The following LLGL1 variants were observed in gnomAD, a reference collection of about 807,000 sequenced individuals.
LLGL1 encodes the protein LLGL scribble cell polarity complex component 1.
LLGL1 carries 58 observed loss-of-function variants against 110.6 expected under a neutral mutation model. The observed-to-expected ratio is 0.52, with a 90% confidence interval of 0.42 to 0.65. The LOEUF (loss-of-function observed/expected upper bound fraction) is 0.65. LLGL1 is among the 30% of genes least tolerant of loss of function. The probability of loss-of-function intolerance (pLI) is 0.00; values close to 1 mark genes in which losing one functional copy is unlikely to be tolerated. For missense variants in LLGL1, 1,229 were observed against 1,462.1 expected, an observed-to-expected ratio of 0.84 and a Z score of 2.60; for synonymous variants, 674 against 607.2, an observed-to-expected ratio of 1.11 and a Z score of -1.62.
At chr17:18,231,848 C>T (rs1213001976) in intron 2 of LLGL1, among the ~76,000 whole-genome samples, 5 of 152,110 alleles carry the variant, frequency 3.3e-5, no homozygotes, top group African/African-American at 7.2e-5. Context: ...TTAGTAGAGA[C>T]GAGGTTTCAC....
rs1021719980 is a variant in LLGL1, at chr17:18,240,230, C to T, written c.2207-348C>T. On this transcript the variant is annotated intron_variant, in intron 16 of 22. Coordinates refer to ENST00000316843, the MANE Select transcript of LLGL1 (RefSeq NM_004140.4). This position sits in a 1 kb window ranked among gnomAD's most constrained non-coding sequence, Gnocchi z 5.3. ...CCTGAGTGATGCTAGGATGGAGCTG[C>T]GTTTACTGAGATGGGGGCTGAGGGT... is the stretch of plus-strand genomic sequence containing the variant. Among the ~76,000 whole-genome samples the T allele has an allele frequency of 3.9e-5, 6 of 151,998 alleles. No homozygotes were observed. Among genetic ancestry groups the T allele is most frequent in the African/African-American group, 1.2e-4 (5 of 41,344 alleles).
chr17:18,242,663 C>G, intron 21 of LLGL1, 35 bp downstream of exon 21: 1 of 1,582,734 alleles, frequency 6.3e-7, no homozygotes, highest in South Asian at 1.1e-5. Context: ...GGGGGGGCTG[C>G]CCTGTCCCCT....
chr17:18,244,735 CAGGGGG>C lies in LLGL1; in HGVS notation c.*830_*835del, dbSNP rs1430144436. On this transcript the variant is annotated 3_prime_UTR_variant, in exon 23 of 23. Transcript: ENST00000316843. ...GTGTGTGTCCGGCGGGGGGGGGGGG[CAGGGGG>C]GGGGGTCAAGATGAGTTTCCCTGTA... 56 of 3,820 alleles carry C rather than the reference CAGGGGG, an allele frequency of 0.015. 1 individual carries two copies. Among genetic ancestry groups the C allele is most frequent in the Admixed American group, 0.029 (9 of 310 alleles). 0.2% of individuals were successfully genotyped at this position (3,820 alleles called of 1,614,324 possible).
Position 18,242,282 on chromosome 17 carries a change from A to AG in LLGL1, c.2995+10dup, listed in dbSNP as rs1283607804. 1.9e-6 allele frequency: 3 copies of AG among 1,611,434 alleles called. No individual in the cohort carries two copies. The highest frequency in any genetic ancestry group is 2.7e-5 in the African/African-American group (2 of 74,816). On this transcript the variant is annotated splice_donor_region_variant and intron_variant, in intron 20 of 22. Transcript: ENST00000316843. ...CCAGCCCACAGCATGGGACCTGGTGAGGGGGGCATGAAAGGGGTCCAGACC... is the reference window on the plus strand; with the variant it reads ...CCAGCCCACAGCATGGGACCTGGTGAGGGGGGGCATGAAAGGGGTCCAGACC...
Position 18,234,174 on chromosome 17 carries a change from A to G in LLGL1, c.713A>G (p.Gln238Arg). The G allele has an allele frequency of 6.3e-7, 1 of 1,599,580 alleles. No homozygotes were observed. Among genetic ancestry groups the G allele is most frequent in the South Asian group, 1.1e-5 (1 of 89,634 alleles). Reference protein sequence around the residue: ...QCVDHIFLGNQQLESLCWGRD... With the variant: ...QCVDHIFLGNRQLESLCWGRD... ...GTGGACCACATCTTCCTGGGGAACCAGGTATGTAGGTGAGGCCTGTGTCCC... is the reference window on the plus strand; with the variant it reads ...GTGGACCACATCTTCCTGGGGAACCGGGTATGTAGGTGAGGCCTGTGTCCC... Residue 238 changes from glutamine (Q) to arginine (R), a missense_variant and splice_region_variant, in exon 6 of 23, where the codon CAG becomes CGG. Gln to Arg is a conservative substitution (Grantham distance 43). Transcript: ENST00000316843.
chr17:18,230,059 GT>G (rs2047534062), intron 2 of LLGL1, 21 bp downstream of exon 2: 2 of 1,584,362 alleles, frequency 1.3e-6, no homozygotes, highest in Non-Finnish European at 1.7e-6. Flanking sequence ...CAGGACAGGT[GT>G]TCAGGGTCTG....
chr17:18,234,247 G>A lies in LLGL1; in HGVS notation c.715-26G>A, dbSNP rs892820716. The A allele has an allele frequency of 2.5e-6, 4 of 1,595,424 alleles. No homozygotes were observed. In the Admixed American group the frequency reaches 5.3e-5, roughly 21 times the overall value. ...TGCCCACCATGGCTCATGCCTGCCTGCCTGCCTGCCCCTGCCTGCCCGCAG... is the reference window on the plus strand; with the variant it reads ...TGCCCACCATGGCTCATGCCTGCCTACCTGCCTGCCCCTGCCTGCCCGCAG... On this transcript the variant is annotated intron_variant, in intron 6 of 22. Coordinates refer to ENST00000316843, the MANE Select transcript of LLGL1 (RefSeq NM_004140.4).
intron 1 of LLGL1, among the ~76,000 whole-genome samples, chr17:18,227,852 T>G (rs1337241072): frequency 6.6e-6 from 1 of 152,150 alleles, no homozygotes; most frequent in Non-Finnish European, 1.5e-5. Flanking sequence ...TGGGGTGGTC[T>G]TGGGGAAGGG....
At position 18,238,323 on chromosome 17, in the gene LLGL1, C is replaced by T. The variant is rs1199784331; in HGVS notation, c.2052+109C>T. On this transcript the variant is annotated intron_variant, in intron 15 of 22. Coordinates refer to ENST00000316843, the MANE Select transcript of LLGL1 (RefSeq NM_004140.4). ...TAGCTCAGTGCTCCTCCCTCGGCAG[C>T]CCCTGGGCCCTCCAGAGGGATGGGT... The T allele has an allele frequency of 8.3e-6, 13 of 1,573,218 alleles. No homozygotes were observed. In the Admixed American group the frequency reaches 1.0e-4, roughly 12 times the overall value.
At position 18,237,329 on chromosome 17, in the gene LLGL1, A is replaced by G. The variant is rs560666758; in HGVS notation, c.1612-152A>G. The G allele has an allele frequency of 2.3e-5, 17 of 725,690 alleles. No homozygotes were observed. The East Asian group carries it at 4.6e-4, about 20-fold the overall frequency. 45.0% of individuals were successfully genotyped at this position (725,690 alleles called of 1,614,324 possible). The stretch of plus-strand genomic sequence containing the variant: ...GCCAGGGCCTTGGTATACAGTAGGC[A>G]TTCAGTGAGTGCTTGTTTAGCTGAT... On this transcript the variant is annotated intron_variant, in intron 13 of 22. Transcript: ENST00000316843.
At chr17:18,232,239 A>T (rs2047586409) in intron 2 of LLGL1, among the ~76,000 whole-genome samples, 1 of 152,242 alleles carries the variant, frequency 6.6e-6, no homozygotes, top group Non-Finnish European at 1.5e-5. Context: ...GGCCCAATTT[A>T]CGGGAAGTGA....
Position 18,234,509 on chromosome 17 carries a change from T to C in LLGL1, c.850+101T>C, listed in dbSNP as rs955754992. 2.5e-6 allele frequency: 4 copies of C among 1,577,770 alleles called. No individual in the cohort carries two copies. The African/African-American group carries it at 5.4e-5, about 21-fold the overall frequency. Reference sequence around the variant, plus strand: ...GAGGGACTTCCCCGAGGGGGTGGTCTGGGGGCAGTGTGTCTCCCGCCGACT... The same window carrying C: ...GAGGGACTTCCCCGAGGGGGTGGTCCGGGGGCAGTGTGTCTCCCGCCGACT... On this transcript the variant is annotated intron_variant, in intron 7 of 22. Transcript: ENST00000316843.
intron 1 of LLGL1, among the ~76,000 whole-genome samples, chr17:18,229,665 A>T (rs6502641): frequency 6.6e-6 from 1 of 152,046 alleles, no homozygotes; most frequent in Non-Finnish European, 1.5e-5. Context: ...GTGTGCATTG[A>T]GGGGCACAGG....
intron 22 of LLGL1, among the ~76,000 whole-genome samples, chr17:18,243,684 CTT>C (rs369909072): frequency 9.4e-4 from 143 of 152,210 alleles, no homozygotes; most frequent in African/African-American, 3.2e-3. Context: ...CCTCCCAGCT[CTT>C]TGTCTGGTGC....
Position 18,236,756 on chromosome 17 carries a change from G to A in LLGL1, c.1502G>A (p.Arg501His), listed in dbSNP as rs371648907. The change falls in exon 12 of 23, where the codon CGC becomes CAC. Residue 501 changes from arginine (R) to histidine (H), a missense_variant. By Grantham distance (29) the Arg-to-His change is conservative. Coordinates refer to ENST00000316843, the MANE Select transcript of LLGL1 (RefSeq NM_004140.4). ...GCCGAGGACGACTGGCCACCCTTCC[G>A]CAAGGTGGGCCCCTCCCCTGGCCCT... ...QAAEDDWPPF[R>H]KVGCFDPYSD... 19 of 1,612,440 alleles carry A rather than the reference G, an allele frequency of 1.2e-5. No homozygotes were observed. The highest frequency in any genetic ancestry group is 2.7e-5 in the African/African-American group (2 of 74,890).
At chr17:18,239,139 G>C (rs2047765428) in intron 16 of LLGL1, among the ~76,000 whole-genome samples, 1 of 152,186 alleles carries the variant, frequency 6.6e-6, no homozygotes, top group African/African-American at 2.4e-5. Flanking sequence ...CAGGAGAAGG[G>C]AGGTTGAGGC....
chr17:18,233,118 G>A (rs1298111994), intron 4 of LLGL1, among the ~76,000 whole-genome samples: 1 of 152,230 alleles, frequency 6.6e-6, no homozygotes, highest in Admixed American at 6.5e-5. Flanking sequence ...TGCAATGATG[G>A]GGGTGTCTAG....
At chr17:18,230,167 G>T in intron 2 of LLGL1, 129 bp downstream of exon 2, 2 of 654,064 alleles carry the variant, frequency 3.1e-6, no homozygotes, top group South Asian at 4.0e-5. Context: ...ATGGGCAGTA[G>T]TGGGGGCTTC....
At chr17:18,241,864 C>T (rs1009553059) in intron 18 of LLGL1, 21 bp from the exon 19 acceptor site, 7 of 1,608,086 alleles carry the variant, frequency 4.4e-6, no homozygotes, top group Middle Eastern at 1.7e-4. Flanking sequence ...AACTGCACTC[C>T]TCATTCTTCT....
Sources: gnomAD v4.1 joint callset for allele counts (sites outside exome capture counted in the v4.1 genomes callset) on GRCh38, gnomAD v4.1.1 for gene constraint, Gnocchi (gnomAD v3.1) non-coding constraint, MANE v1.5 for transcripts, NCBI Gene and HGNC (gene_info 2026-07-23, HGNC 2026-07-21) for gene names.